The following PGBD5 variants were observed in gnomAD, a reference collection of about 807,000 sequenced individuals.
PGBD5 encodes the protein piggyBac transposable element-derived protein 5.
A neutral mutation model predicts 47.9 loss-of-function variants in PGBD5; 14 were observed. That is an observed-to-expected ratio of 0.29 (90% CI 0.19 to 0.46). The LOEUF (loss-of-function observed/expected upper bound fraction) is 0.46, where lower values mean the gene tolerates loss of function less well. Among genes scored for constraint, PGBD5 ranks in the 20% least tolerant of loss-of-function variants. The pLI is 1.00. For synonymous variants in PGBD5, 316 were observed against 306.3 expected (o/e 1.03, Z -0.33); for missense variants, 635 against 716.0 (o/e 0.89, Z 1.29).
chr1:230,358,886 T>C (rs1667699896), intron 1 of PGBD5, among the ~76,000 whole-genome samples: 1 of 152,208 alleles, frequency 6.6e-6, no homozygotes, highest in African/African-American at 2.4e-5. Context: ...AATTACCTAA[T>C]GATGCATTTC....
chr1:230,421,018 A>C (rs1050194001), intron 1 of PGBD5, among the ~76,000 whole-genome samples: 19 of 152,198 alleles, frequency 1.2e-4, no homozygotes, highest in African/African-American at 4.3e-4. Context: ...GCCTCTAAAA[A>C]GAAGTCTACA....
At chr1:230,405,172 G>A (rs1481573492) in intron 1 of PGBD5, among the ~76,000 whole-genome samples, 1 of 149,736 alleles carries the variant, frequency 6.7e-6, no homozygotes, top group Non-Finnish European at 1.5e-5. Context: ...TCCAGCCTGG[G>A]TGACAGAGTG....
At chr1:230,325,481 G>T in intron 5 of PGBD5, 66 bp from the exon 6 acceptor site, 1 of 1,143,636 alleles carries the variant, frequency 8.7e-7, no homozygotes, top group Non-Finnish European at 1.3e-6. Context: ...TTATAAATGT[G>T]CCTATCTTCG....
intron 1 of PGBD5, among the ~76,000 whole-genome samples, chr1:230,393,565 C>T (rs1394126271): frequency 1.3e-5 from 2 of 152,070 alleles, no homozygotes; most frequent in Non-Finnish European, 2.9e-5. Flanking sequence ...AGGCCGGGCG[C>T]GGTGGCTCAC....
At position 230,321,608 on chromosome 1, in the gene PGBD5, C is replaced by A. The variant is rs1667032623; in HGVS notation, c.*1817G>T. 1 of 152,306 alleles carries A rather than the reference C, an allele frequency of 6.6e-6. No individual in the cohort carries two copies. The highest frequency in any genetic ancestry group is 1.5e-5 in the Non-Finnish European group (1 of 68,052). 9.4% of individuals were successfully genotyped at this position (152,306 alleles called of 1,614,324 possible). A position where few individuals can be genotyped will look rare whatever the true frequency, so the allele number is the denominator to read the frequency against. ...CATGAGCCACCGCACCCCGCCTGTT[C>A]CCTGACCTTTTAAACGAATTCACGT... On this transcript the variant is annotated 3_prime_UTR_variant, in exon 7 of 7. Coordinates refer to ENST00000391860, the MANE Select transcript of PGBD5 (RefSeq NM_001258311.2).
chr1:230,345,071 G>A (rs190584377), intron 3 of PGBD5, among the ~76,000 whole-genome samples: 10 of 152,302 alleles, frequency 6.6e-5, no homozygotes, highest in Non-Finnish European at 1.2e-4. Flanking sequence ...TGTTCAAACA[G>A]GAGAAATCTG....
intron 1 of PGBD5, chr1:230,367,912 C>T (rs748195048): frequency 1.3e-5 from 17 of 1,338,308 alleles, no homozygotes; most frequent in Middle Eastern, 2.9e-4. Flanking sequence ...TGCAGAGGCT[C>T]GGGGAAGAGA....
chr1:230,372,090 G>A (rs1030895815), intron 1 of PGBD5, among the ~76,000 whole-genome samples: 50 of 152,256 alleles, frequency 3.3e-4, no homozygotes, highest in African/African-American at 1.2e-3. Context: ...GGTCTTTTAG[G>A]CGATGCCCCA....
chr1:230,316,416 G>C lies in PGBD5; in HGVS notation c.*7009C>G, dbSNP rs1185541725. 2 of 152,106 alleles carry C rather than the reference G, an allele frequency of 1.3e-5. No individual in the cohort carries two copies. Among genetic ancestry groups the C allele is most frequent in the African/African-American group, 4.8e-5 (2 of 41,402 alleles). 9.4% of individuals were successfully genotyped at this position (152,106 alleles called of 1,614,324 possible). ...ACTGAACACCGTACGCAATTGTTCT[G>C]GGCCCATCTTTCCAATCTATTGAAA... On this transcript the variant is annotated 3_prime_UTR_variant, in exon 7 of 7. Transcript: ENST00000391860.
At chr1:230,403,924 T>C (rs1376460582) in intron 1 of PGBD5, among the ~76,000 whole-genome samples, 1 of 152,126 alleles carries the variant, frequency 6.6e-6, no homozygotes, top group Non-Finnish European at 1.5e-5. Flanking sequence ...AAAATAATTA[T>C]AGTGCTCAAG....
At chr1:230,378,541 C>G (rs1186184143) in intron 1 of PGBD5, among the ~76,000 whole-genome samples, 1 of 152,192 alleles carries the variant, frequency 6.6e-6, no homozygotes, top group African/African-American at 2.4e-5. Context: ...GAGATGGGAG[C>G]TGGGATTTCT....
intron 1 of PGBD5, among the ~76,000 whole-genome samples, chr1:230,365,632 C>T (rs2102712858): frequency 6.6e-6 from 1 of 152,284 alleles, no homozygotes; most frequent in African/African-American, 2.4e-5. Flanking sequence ...TGGGCTTGAC[C>T]ATCTCTGAGG....
intron 1 of PGBD5, among the ~76,000 whole-genome samples, chr1:230,405,445 T>G (rs1657279093): frequency 6.6e-6 from 1 of 152,230 alleles, no homozygotes; most frequent in African/African-American, 2.4e-5. Flanking sequence ...TTCTTCATAA[T>G]ATTTTTTTCT....
chr1:230,422,615 A>G (rs1199047695), intron 1 of PGBD5, among the ~76,000 whole-genome samples: 2 of 152,210 alleles, frequency 1.3e-5, no homozygotes, highest in African/African-American at 4.8e-5. Context: ...CCACACCTCA[A>G]TGCACAGCCA....
intron 1 of PGBD5, among the ~76,000 whole-genome samples, chr1:230,400,545 G>C (rs1657111419): frequency 6.6e-6 from 1 of 152,228 alleles, no homozygotes; most frequent in African/African-American, 2.4e-5. Flanking sequence ...GCTCAGTAAA[G>C]ACTTAAAACC....
At chr1:230,349,925 C>A (rs1327729342) in intron 3 of PGBD5, among the ~76,000 whole-genome samples, 1 of 152,246 alleles carries the variant, frequency 6.6e-6, no homozygotes, top group Non-Finnish European at 1.5e-5. Context: ...ACCTGAAGGT[C>A]CCTCAGACCT....
chr1:230,363,347 C>A (rs532523114), intron 1 of PGBD5, among the ~76,000 whole-genome samples: 1 of 152,120 alleles, frequency 6.6e-6, no homozygotes, highest in Non-Finnish European at 1.5e-5. Context: ...TTTAGGAGGC[C>A]GAGGCAGGCA....
At chr1:230,337,815 G>A (rs1033099604) in intron 3 of PGBD5, among the ~76,000 whole-genome samples, 3 of 152,144 alleles carry the variant, frequency 2.0e-5, no homozygotes, top group Non-Finnish European at 4.4e-5. Flanking sequence ...ATTTGCCCAA[G>A]AGTCCAGGGC....
chr1:230,398,775 C>G (rs114315421), intron 1 of PGBD5, among the ~76,000 whole-genome samples: 20 of 152,274 alleles, frequency 1.3e-4, no homozygotes, highest in African/African-American at 4.6e-4. Flanking sequence ...GTGAAGATCT[C>G]GAGCATCAGT....
Sources: gnomAD v4.1 joint callset for allele counts (sites outside exome capture counted in the v4.1 genomes callset) on GRCh38, gnomAD v4.1.1 for gene constraint, MANE v1.5 for transcripts, NCBI Gene and HGNC (gene_info 2026-07-23, HGNC 2026-07-21) for gene names.